PPM1L: variants seen among roughly 807,000 people sequenced by gnomAD.
The protein encoded by PPM1L is protein phosphatase, Mg2+/Mn2+ dependent 1L, also known as protein phosphatase 1L.
Under a neutral mutation model 31.4 loss-of-function variants are expected in PPM1L, and 13 were observed. That is an observed-to-expected ratio of 0.41 (90% confidence interval 0.27 to 0.66). The LOEUF (loss-of-function observed/expected upper bound fraction) is 0.66. Among genes scored for constraint, PPM1L ranks in the 30% least tolerant of loss-of-function variants. The pLI, the probability that PPM1L is intolerant of heterozygous loss-of-function variation, is 0.29. For synonymous variants in PPM1L, 184 were observed against 175.4 expected, an observed-to-expected ratio of 1.05 and a Z score of -0.39; for missense variants, 326 against 453.7, an observed-to-expected ratio of 0.72 and a Z score of 2.56.
intron 2 of PPM1L, among the ~76,000 whole-genome samples, chr3:161,057,018 G>A (rs1297280355): frequency 6.6e-6 from 1 of 152,010 alleles, no homozygotes; most frequent in East Asian, 1.9e-4. Flanking sequence ...AGCCGAGATC[G>A]CGCCACTGCA....
chr3:160,901,398 C>G (rs779378275), intron 1 of PPM1L, among the ~76,000 whole-genome samples: 1 of 152,118 alleles, frequency 6.6e-6, no homozygotes, highest in Non-Finnish European at 1.5e-5. Context: ...CAGTCAGCAT[C>G]CATTTCTTCA....
intron 1 of PPM1L, among the ~76,000 whole-genome samples, chr3:160,931,375 G>A (rs1714779830): frequency 6.6e-6 from 1 of 152,152 alleles, no homozygotes; most frequent in South Asian, 2.1e-4. Flanking sequence ...CCCATCACCT[G>A]GAATCCACAC....
chr3:161,059,676 GTCAAATTGTAA>G (rs1277493226), intron 2 of PPM1L, among the ~76,000 whole-genome samples: 12 of 152,070 alleles, frequency 7.9e-5, no homozygotes, highest in Admixed American at 7.2e-4. Flanking sequence ...CAAATCTCAT[GTCAAATTGTAA>G]TCCCCATTGT....
At chr3:161,010,623 A>T (rs918293990) in intron 2 of PPM1L, among the ~76,000 whole-genome samples, 2 of 152,050 alleles carry the variant, frequency 1.3e-5, no homozygotes, top group African/African-American at 4.8e-5. Context: ...TGGTTGAACT[A>T]GTTTACAGTC....
chr3:160,761,206 G>C (rs567010167), intron 1 of PPM1L, among the ~76,000 whole-genome samples: 2 of 152,160 alleles, frequency 1.3e-5, no homozygotes, highest in African/African-American at 4.8e-5. Context: ...CTGAATTTCA[G>C]ATTAGTCTAG....
At chr3:160,960,555 GTTT>G (rs1284549193) in intron 1 of PPM1L, among the ~76,000 whole-genome samples, 1 of 103,222 alleles carries the variant, frequency 9.7e-6, no homozygotes, top group Non-Finnish European at 1.8e-5. Flanking sequence ...TTTTTTAGCA[GTTT>G]TGTGTGTGTG....
intron 2 of PPM1L, among the ~76,000 whole-genome samples, chr3:160,965,069 G>T (rs2108111009): frequency 6.6e-6 from 1 of 151,988 alleles, no homozygotes; most frequent in East Asian, 1.9e-4. Flanking sequence ...GGCTAACATG[G>T]TGAAACCCCA....
At chr3:160,926,599 A>G (rs1199791298) in intron 1 of PPM1L, among the ~76,000 whole-genome samples, 1 of 152,172 alleles carries the variant, frequency 6.6e-6, no homozygotes, top group East Asian at 1.9e-4. Context: ...TGTACATTGA[A>G]TTGACTTTGG....
chr3:160,924,317 G>A (rs894054945), intron 1 of PPM1L, among the ~76,000 whole-genome samples: 2 of 152,276 alleles, frequency 1.3e-5, no homozygotes, highest in South Asian at 2.1e-4. Context: ...GCAAAGGGTC[G>A]GAAGCAGTGT....
chr3:160,888,828 A>T (rs1378487905), intron 1 of PPM1L, among the ~76,000 whole-genome samples: 2 of 152,136 alleles, frequency 1.3e-5, no homozygotes, highest in African/African-American at 4.8e-5. Context: ...CACAGACCAC[A>T]GTGCAGTTAC....
intron 1 of PPM1L, among the ~76,000 whole-genome samples, chr3:160,826,765 G>T (rs1384982688): frequency 6.6e-6 from 1 of 152,118 alleles, no homozygotes; most frequent in Non-Finnish European, 1.5e-5. Context: ...AGTGGCAGCA[G>T]TCCCTGGATG....
chr3:160,957,915 G>A (rs1715833112), intron 1 of PPM1L, among the ~76,000 whole-genome samples: 1 of 152,146 alleles, frequency 6.6e-6, no homozygotes, highest in Non-Finnish European at 1.5e-5. Context: ...AATGATCAGT[G>A]ATGTTGAGCT....
At chr3:161,044,897 C>T (rs2108092215) in intron 2 of PPM1L, among the ~76,000 whole-genome samples, 1 of 152,218 alleles carries the variant, frequency 6.6e-6, no homozygotes. Context: ...CAGAGACACA[C>T]ATAGGCTCAA....
At chr3:160,914,896 A>G (rs1291726747) in intron 1 of PPM1L, among the ~76,000 whole-genome samples, 2 of 152,152 alleles carry the variant, frequency 1.3e-5, no homozygotes, top group Non-Finnish European at 2.9e-5. Context: ...ACTAGTTTAC[A>G]GTCCCACCAA....
At position 160,756,793 on chromosome 3, in the gene PPM1L, AAAC is replaced by A; in HGVS notation, c.399+91_399+93del. 4 of 808,578 alleles carry A rather than the reference AAAC, an allele frequency of 4.9e-6. No individual in the cohort carries two copies. The South Asian group carries it at 9.9e-5, about 20-fold the overall frequency. The allele number at this position is 808,578 out of a possible 1,614,324, so 50.1% of individuals were successfully genotyped here. On this transcript the variant is annotated intron_variant, in intron 1 of 3. Coordinates refer to ENST00000498165, the MANE Select transcript of PPM1L (RefSeq NM_139245.4). The surrounding 1 kb of genome is among the most constrained non-coding windows in gnomAD (Gnocchi z 6.2). Reference sequence around the variant, plus strand: ...TGTGTGTGTGTGTGTGTGTGTGTATAAACAACAGGACAGCGTGTGCGCAGCGGG... The same window carrying A: ...TGTGTGTGTGTGTGTGTGTGTGTATAAACAGGACAGCGTGTGCGCAGCGGG...
intron 2 of PPM1L, among the ~76,000 whole-genome samples, chr3:161,012,821 T>G (rs141751515): frequency 1.6e-3 from 250 of 152,358 alleles, no homozygotes; most frequent in African/African-American, 5.8e-3. Context: ...TGTTTATATA[T>G]TCTCTGATGG....
chr3:160,909,612 G>A (rs1432507525), intron 1 of PPM1L, among the ~76,000 whole-genome samples: 1 of 152,126 alleles, frequency 6.6e-6, no homozygotes, highest in Non-Finnish European at 1.5e-5. Flanking sequence ...CCTCTCTTAA[G>A]GAGGGAGTTT....
intron 2 of PPM1L, among the ~76,000 whole-genome samples, chr3:160,981,194 A>G (rs1034864988): frequency 3.3e-5 from 5 of 152,220 alleles, no homozygotes; most frequent in Admixed American, 6.5e-5. Flanking sequence ...AATTACTCCA[A>G]AATTTAGCAG....
intron 1 of PPM1L, among the ~76,000 whole-genome samples, chr3:160,806,771 G>C (rs963925499): frequency 6.7e-6 from 1 of 150,220 alleles, no homozygotes; most frequent in Non-Finnish European, 1.5e-5. Flanking sequence ...GAAAGAAAGA[G>C]AGAGAGAGAG....
Sources: allele counts gnomAD v4.1 joint callset (sites outside exome capture counted in the v4.1 genomes callset), GRCh38; gene constraint gnomAD v4.1.1; non-coding constraint Gnocchi (gnomAD v3.1); transcripts MANE v1.5; gene names NCBI Gene and HGNC (gene_info 2026-07-23, HGNC 2026-07-21).